Variants in PLA2G4F observed in about 807,000 individuals in gnomAD.
PLA2G4F encodes cytosolic phospholipase A2 zeta.
A neutral mutation model predicts 103.1 loss-of-function variants in PLA2G4F; 105 were observed. The observed-to-expected ratio is 1.02, with a 90% CI of 0.87 to 1.20. The LOEUF (loss-of-function observed/expected upper bound fraction) is 1.20, where lower values mean the gene tolerates loss of function less well. PLA2G4F is among the 50% of genes most tolerant of loss of function. The pLI is 0.00. For synonymous variants in PLA2G4F, 468 were observed against 441.1 expected (o/e 1.06, Z -0.76); for missense variants, 1,155 against 1,075.9 (o/e 1.07, Z -1.03).
chr15:42,156,339 C>T (rs1185026793), intron 1 of PLA2G4F, 100 bp downstream of exon 1: 6 of 967,962 alleles, frequency 6.2e-6, no homozygotes, highest in East Asian at 2.9e-5. Flanking sequence ...CCCACCCCAA[C>T]TCAAAACCCA....
At chr15:42,150,272 C>G (rs995941819) in intron 9 of PLA2G4F, 101 bp downstream of exon 9, 1 of 1,530,530 alleles carries the variant, frequency 6.5e-7, no homozygotes, top group Non-Finnish European at 8.9e-7. Context: ...GACCTCTGGA[C>G]TGACCTGATC....
At position 42,141,654 on chromosome 15, in the gene PLA2G4F, G is replaced by C. The variant is rs1555394313; in HGVS notation, c.*330C>G. The C allele has an allele frequency of 2.0e-6, 1 of 500,024 alleles. No homozygotes were observed. Among genetic ancestry groups the C allele is most frequent in the Middle Eastern group, 3.0e-4 (1 of 3,364 alleles). The allele number at this position is 500,024 out of a possible 1,614,324, so 31.0% of individuals were successfully genotyped here. ...GGGTCTGAGGACTTGGGCCCTCTGAGGTCCTTCTGTGTCTGGGGTGGGCTC... is the reference window on the plus strand; with the variant it reads ...GGGTCTGAGGACTTGGGCCCTCTGACGTCCTTCTGTGTCTGGGGTGGGCTC... On this transcript the variant is annotated 3_prime_UTR_variant, in exon 20 of 20. Coordinates refer to ENST00000397272, the MANE Select transcript of PLA2G4F (RefSeq NM_213600.4).
Position 42,145,838 on chromosome 15 carries a change from G to A in PLA2G4F, c.1600C>T (p.Leu534Phe), listed in dbSNP as rs746452942. ...PKYGAYVPTE[L>F]FGSELFMGRL... The stretch of plus-strand genomic sequence containing the variant: ...CCCATGAAGAGTTCTGAGCCGAAGA[G>A]CTCGGTGGGAACATAAGCCCCGTAC... The change falls in exon 15 of 20, where the codon CTC (leucine) becomes TTC (phenylalanine). Residue 534 changes from leucine to phenylalanine, a missense_variant. Coordinates refer to ENST00000397272, the MANE Select transcript of PLA2G4F (RefSeq NM_213600.4). 1 of 1,614,144 alleles carries A rather than the reference G, an allele frequency of 6.2e-7. No homozygotes were observed. The highest frequency in any genetic ancestry group is 8.5e-7 in the Non-Finnish European group (1 of 1,180,034).
At chr15:42,148,181 CAAAAA>C (rs59009245) in intron 11 of PLA2G4F, among the ~76,000 whole-genome samples, 1 of 85,712 alleles carries the variant, frequency 1.2e-5, no homozygotes, top group African/African-American at 3.5e-5. Flanking sequence ...GACTCCGTCT[CAAAAA>C]AAAAAAAAAA....
intron 18 of PLA2G4F, 119 bp from the exon 19 acceptor site, chr15:42,142,833 C>T (rs2048839337): frequency 9.4e-7 from 1 of 1,062,592 alleles, no homozygotes; most frequent in Non-Finnish European, 1.4e-6. Context: ...TGAGTGACTT[C>T]AGGCAGGTGA....
At chr15:42,154,260 GA>G in intron 3 of PLA2G4F, 40 bp from the exon 4 acceptor site, 1 of 1,613,626 alleles carries the variant, frequency 6.2e-7, no homozygotes, top group Non-Finnish European at 8.5e-7. Flanking sequence ...CATGAGGTAG[GA>G]CAGGAGGGTA....
At chr15:42,149,886 G>A in intron 10 of PLA2G4F, 38 bp from the exon 11 acceptor site, 1 of 1,605,740 alleles carries the variant, frequency 6.2e-7, no homozygotes, top group Non-Finnish European at 8.5e-7. Context: ...GGGGGGTTCT[G>A]GGTGACTGTC....
intron 5 of PLA2G4F, 58 bp from the exon 6 acceptor site, chr15:42,153,400 C>G: frequency 6.3e-7 from 1 of 1,581,798 alleles, no homozygotes; most frequent in South Asian, 1.1e-5. Flanking sequence ...ATGGCCTCTA[C>G]AATCATAATG....
rs775632991 is a variant in PLA2G4F at position 42,147,671 on chromosome 15, A to C, written c.1151T>G (p.Leu384Arg). Residue 384 changes from leucine (L) to arginine (R), a missense_variant, in exon 12 of 20, where the codon CTT becomes CGT. Around this residue, in one of 3 missense-constraint regions of PLA2G4F, gnomAD observed 782 missense variants for 692.9 expected, o/e 1.13. Transcript: ENST00000397272. Reference sequence around the variant, plus strand: ...ACTCAGGTAGGTCACAGTGTCTAGAAGGCCGAGCTCCTGCAACCCTGCCAG... The same window carrying C: ...ACTCAGGTAGGTCACAGTGTCTAGACGGCCGAGCTCCTGCAACCCTGCCAG... ...GSLAGLQELG[L>R]LDTVTYLSGV... 6.2e-7 allele frequency: 1 copy of C among 1,614,106 alleles called. No individual in the cohort carries two copies. The highest frequency in any genetic ancestry group is 8.5e-7 in the Non-Finnish European group (1 of 1,180,018).
chr15:42,154,390 T>G lies in PLA2G4F; in HGVS notation c.253A>C (p.Ile85Leu). ...TCGGGGTCACTGCAGTTGGCCACTATCCTAGTCTGGGCAGGGCTTGGGGAC... is the reference window on the plus strand; with the variant it reads ...TCGGGGTCACTGCAGTTGGCCACTAGCCTAGTCTGGGCAGGGCTTGGGGAC... ...TASPSPAQTR[I>L]VANCSDPEWN... The change falls in exon 3 of 20, where the codon ATA (isoleucine) becomes CTA (leucine). Residue 85 changes from isoleucine to leucine, a missense_variant. Physicochemically the swap from Ile to Leu is conservative, Grantham distance 5. Transcript: ENST00000397272. The G allele has an allele frequency of 1.9e-6, 3 of 1,612,246 alleles. No homozygotes were observed. Among genetic ancestry groups the G allele is most frequent in the Non-Finnish European group, 2.5e-6 (3 of 1,178,774 alleles).
At chr15:42,149,199 A>C in intron 11 of PLA2G4F, 42 of 951,124 alleles carry the variant, frequency 4.4e-5, no homozygotes, top group South Asian at 9.7e-5. Flanking sequence ...CTAACCCCCA[A>C]TGTGACAGTA....
rs369850151 is a variant in PLA2G4F, at chr15:42,144,106, T to C, written c.2014A>G (p.Met672Val). 3.7e-6 allele frequency: 6 copies of C among 1,613,790 alleles called. No individual in the cohort carries two copies. The highest frequency in any genetic ancestry group is 5.1e-6 in the Non-Finnish European group (6 of 1,179,896). The change falls in exon 18 of 20, where the codon ATG (methionine) becomes GTG (valine). Residue 672 changes from methionine (M) to valine (V), a missense_variant. By Grantham distance (21) the Met-to-Val change is conservative. Coordinates refer to ENST00000397272, the MANE Select transcript of PLA2G4F (RefSeq NM_213600.4). ...PDAFPNQLTP[M>V]RDCLYLVDGG... The stretch of plus-strand genomic sequence containing the variant: ...TCCACCAGGTACAGGCAGTCCCGCA[T>C]GGGGGTGAGCTGGTTGGGGAAGGCG...
chr15:42,147,321 G>T lies in PLA2G4F; in HGVS notation c.1222C>A (p.Pro408Thr). The change falls in exon 13 of 20, where the codon CCA becomes ACA. Residue 408 changes from proline to threonine, a missense_variant. Coordinates refer to ENST00000397272, the MANE Select transcript of PLA2G4F (RefSeq NM_213600.4). ...TWCISTLYRD[P>T]AWSQVALQGP... ...TGCAAGGCCACCTGGGACCAGGCTG[G>T]GTCCCTGTAGAGTGTGGAGATGCAC... 6.2e-7 allele frequency: 1 copy of T among 1,608,654 alleles called. No individual in the cohort carries two copies. The highest frequency in any genetic ancestry group is 8.5e-7 in the Non-Finnish European group (1 of 1,179,942).
chr15:42,149,812 G>GA lies in PLA2G4F; in HGVS notation c.959dup (p.Ser321LeufsTer2), dbSNP rs779147855. On this transcript the variant is annotated frameshift_variant, in exon 11 of 20. Transcript: ENST00000397272. LOFTEE classifies it high-confidence loss of function. ...CCAGAAACTCCTGCTCCCCGTCAGA[G>GA]AGGTCAAAGCCAAGGCGTAGGTCTA... 1 of 1,614,102 alleles carries GA rather than the reference G, an allele frequency of 6.2e-7. No homozygotes were observed. The highest frequency in any genetic ancestry group is 1.3e-5 in the African/African-American group (1 of 74,934).
Position 42,139,510 on chromosome 15 carries a change from C to G in PLA2G4F, c.*2474G>C, listed in dbSNP as rs1370668271. ...TCCCTGCTCCTGTGTTTCTACCCAG[C>G]TTCAAGGGAAACCATGCTTGCTCTT... On this transcript the variant is annotated 3_prime_UTR_variant, in exon 20 of 20. Transcript: ENST00000397272. The G allele has an allele frequency of 6.6e-6, 1 of 152,284 alleles. No individual in the cohort carries two copies. The highest frequency in any genetic ancestry group is 1.9e-4 in the East Asian group (1 of 5,154). The allele number at this position is 152,284 out of a possible 1,614,324, so 9.4% of individuals were successfully genotyped here.
At chr15:42,156,113 T>G (rs1351405388) in intron 1 of PLA2G4F, among the ~76,000 whole-genome samples, 1 of 151,834 alleles carries the variant, frequency 6.6e-6, no homozygotes, top group Non-Finnish European at 1.5e-5. Flanking sequence ...TTAGGAGAGA[T>G]AACATCAGCA....
chr15:42,144,896 CTAAAA>C lies in PLA2G4F; in HGVS notation c.1781-257_1781-253del, dbSNP rs376896301. On this transcript the variant is annotated intron_variant, in intron 16 of 19. Transcript: ENST00000397272. ...AATAATAATTTATCTTTCACCCTTC[CTAAAA>C]TAAAGTTTGAGTCTACAGCTTCCAA... 5.9e-3 allele frequency among the ~76,000 whole-genome samples: 906 copies of C among 152,298 alleles called. 7 individuals carry two copies. Among genetic ancestry groups the C allele is most frequent in the African/African-American group, 0.021 (872 of 41,548 alleles).
intron 1 of PLA2G4F, 142 bp from the exon 2 acceptor site, chr15:42,155,731 C>A: frequency 1.3e-6 from 1 of 772,154 alleles, no homozygotes; most frequent in Non-Finnish European, 2.1e-6. Flanking sequence ...GAGACCTTGG[C>A]GGGTCCCAGG....
chr15:42,143,874 C>T, intron 18 of PLA2G4F, 104 bp downstream of exon 18: 1 of 1,408,634 alleles, frequency 7.1e-7, no homozygotes, highest in South Asian at 1.4e-5. Context: ...CCCCACACAC[C>T]CAGCCAGTCC....
Sources: allele counts gnomAD v4.1 joint callset (sites outside exome capture counted in the v4.1 genomes callset), GRCh38; gene constraint gnomAD v4.1.1; regional missense constraint gnomAD v4.1.1; transcripts MANE v1.5; gene names NCBI Gene and HGNC (gene_info 2026-07-23, HGNC 2026-07-21).